SUN2: variants seen among roughly 807,000 people sequenced by gnomAD.
SUN2 encodes the protein SUN domain-containing protein 2.
SUN2 carries 60 observed loss-of-function variants against 100.0 expected under a neutral mutation model. The ratio of observed to expected loss-of-function variants is 0.60; its 90% CI spans 0.49 to 0.74. The LOEUF (loss-of-function observed/expected upper bound fraction) is 0.74. SUN2 is among the 30% of genes least tolerant of loss of function. The pLI, the probability that SUN2 is intolerant of heterozygous loss-of-function variation, is 0.00. For synonymous variants in SUN2, 367 were observed against 403.3 expected (o/e 0.91, Z 1.08); for missense variants, 834 against 954.6 (o/e 0.87, Z 1.66).
rs1295488555 is a variant in SUN2, at chr22:38,735,206, C to A, written c.*1061G>T. On this transcript the variant is annotated 3_prime_UTR_variant, in exon 18 of 18. Transcript: ENST00000689035. ...TCTGCCAGCCTCTTCCCCCAGCCCC[C>A]ACCAACTGCCCCACAGAGAACAAAC... is the stretch of plus-strand genomic sequence containing the variant. The A allele has an allele frequency of 8.8e-6, 4 of 455,144 alleles. No homozygotes were observed. Among genetic ancestry groups the A allele is most frequent in the Non-Finnish European group, 4.4e-6 (1 of 226,418 alleles). The allele number at this position is 455,144 out of a possible 1,614,324, so 28.2% of individuals were successfully genotyped here.
chr22:38,748,652 G>A (rs896414705), intron 7 of SUN2, 61 bp downstream of exon 7: 1 of 1,592,162 alleles, frequency 6.3e-7, no homozygotes, highest in Admixed American at 1.7e-5. Context: ...CCTGCCAAAG[G>A]TCACCACCCT....
In SUN2 at chr22:38,753,308, C is replaced by T. The variant is rs577247491; in HGVS notation, c.-37-643G>A. ...TTGGCTCACTGCAACCTCTACCTCC[C>T]AGGTTCATGCGATTCTCCTGCCTCA... On this transcript the variant is annotated intron_variant, in intron 1 of 17. Coordinates refer to ENST00000689035, the MANE Select transcript of SUN2 (RefSeq NM_015374.3). Among the ~76,000 whole-genome samples, 123 of 151,282 alleles carry T rather than the reference C, an allele frequency of 8.1e-4. 1 individual carries two copies. Among genetic ancestry groups the T allele is most frequent in the African/African-American group, 2.9e-3 (119 of 41,104 alleles).
chr22:38,746,478 G>C (rs368571787), intron 7 of SUN2, among the ~76,000 whole-genome samples: 2 of 152,200 alleles, frequency 1.3e-5, no homozygotes, highest in African/African-American at 4.8e-5. Context: ...TCCTGATAAA[G>C]CTCCATTCGC....
At position 38,751,264 on chromosome 22, in the gene SUN2, A is replaced by C. The variant is rs2092943841; in HGVS notation, c.232T>G (p.Ser78Ala). Residue 78 changes from serine (S) to alanine (A), a missense_variant, in exon 3 of 18, where the codon TCC becomes GCC. By Grantham distance (99) the Ser-to-Ala change is moderately conservative (BLOSUM62 1). Coordinates refer to ENST00000689035, the MANE Select transcript of SUN2 (RefSeq NM_015374.3). ...AGGGAGCTCCTGGGTGGGAACCAGG[A>C]CTCGTGGACCAGCGACTCACTGTAG... ...SYYSESLVHE[S>A]WFPPRSSLEE... is the part of the protein sequence containing the mutation. The C allele has an allele frequency of 6.2e-7, 1 of 1,613,812 alleles. No individual in the cohort carries two copies.
intron 8 of SUN2, 68 bp from the exon 9 acceptor site, chr22:38,742,623 C>G: frequency 6.6e-7 from 1 of 1,525,280 alleles, no homozygotes; most frequent in East Asian, 2.3e-5. Context: ...AAAGACCACC[C>G]CGACACAGCC....
rs1834476402 is a variant in SUN2, at chr22:38,738,669, G to A, written c.1865C>T (p.Thr622Ile). The change falls in exon 16 of 18, where the codon ACA (threonine) becomes ATA (isoleucine). Residue 622 changes from threonine (T) to isoleucine (I), a missense_variant. This residue lies in a region of SUN2 where 195 missense variants were observed against 280.2 expected (regional missense o/e 0.70). Transcript: ENST00000689035. This position sits in a 1 kb window ranked among gnomAD's most constrained non-coding sequence, Gnocchi z 6.6. The stretch of plus-strand genomic sequence containing the variant: ...GGGCACATGCTCTAAGGTAACGGCT[G>A]TGGGGCGGATGCGGGCAGAGAGGCG... ...VVRLSARIRP[T>I]AVTLEHVPKA... The A allele has an allele frequency of 6.2e-7, 1 of 1,613,994 alleles. No homozygotes were observed. Among genetic ancestry groups the A allele is most frequent in the Non-Finnish European group, 8.5e-7 (1 of 1,180,030 alleles).
Position 38,740,569 on chromosome 22 carries a change from G to T in SUN2, c.1191-137C>A. Reference sequence around the variant, plus strand: ...AGCACTCATTGTGAACCTGAGAAGGGGCAAGGCCTCTCCTGGGGGTTCTGG... The same window carrying T: ...AGCACTCATTGTGAACCTGAGAAGGTGCAAGGCCTCTCCTGGGGGTTCTGG... On this transcript the variant is annotated intron_variant, in intron 11 of 17. Transcript: ENST00000689035. The surrounding 1 kb of genome is among the most constrained non-coding windows in gnomAD (Gnocchi z 4.8). 2 of 942,562 alleles carry T rather than the reference G, an allele frequency of 2.1e-6. No homozygotes were observed. Among genetic ancestry groups the T allele is most frequent in the Non-Finnish European group, 3.0e-6 (2 of 661,854 alleles). 58.4% of individuals were successfully genotyped at this position (942,562 alleles called of 1,614,324 possible).
intron 8 of SUN2, chr22:38,744,932 G>T: frequency 2.4e-6 from 1 of 408,264 alleles, no homozygotes; most frequent in Non-Finnish European, 5.1e-6. Flanking sequence ...TATAAAAATG[G>T]CCACCATCCC....
intron 7 of SUN2, among the ~76,000 whole-genome samples, chr22:38,748,156 A>G (rs1050660227): frequency 6.6e-6 from 1 of 151,742 alleles, no homozygotes; most frequent in Non-Finnish European, 1.5e-5. Flanking sequence ...CTCTAGTAAA[A>G]ATACAAAATT....
At chr22:38,747,426 C>T (rs2092912946) in intron 7 of SUN2, among the ~76,000 whole-genome samples, 1 of 151,622 alleles carries the variant, frequency 6.6e-6, no homozygotes, top group Non-Finnish European at 1.5e-5. Context: ...TAGCAGCAAA[C>T]ACAAAAACGA....
rs1420940596 is a variant in SUN2, at chr22:38,738,152, T to C, written c.2040+21A>G. The C allele has an allele frequency of 1.2e-6, 2 of 1,611,644 alleles. No individual in the cohort carries two copies. Among genetic ancestry groups the C allele is most frequent in the Admixed American group, 3.3e-5 (2 of 60,024 alleles). On this transcript the variant is annotated intron_variant, in intron 17 of 17. Coordinates refer to ENST00000689035, the MANE Select transcript of SUN2 (RefSeq NM_015374.3). This position sits in a 1 kb window ranked among gnomAD's most constrained non-coding sequence, Gnocchi z 6.6. ...GATGGGGAGTCTGCGCCACTTCTGC[T>C]AGCACAGCAGCATCCCGTACCTGAA...
At chr22:38,754,516 G>C (rs543231244) in intron 1 of SUN2, 1 of 765,370 alleles carries the variant, frequency 1.3e-6, no homozygotes, top group South Asian at 1.5e-5. Context: ...ACTTTTAGCT[G>C]GTGTTGGAAA....
At position 38,739,055 on chromosome 22, in the gene SUN2, T is replaced by C; in HGVS notation, c.1664-67A>G. 2 of 1,468,880 alleles carry C rather than the reference T, an allele frequency of 1.4e-6. No homozygotes were observed. The highest frequency in any genetic ancestry group is 1.9e-6 in the Non-Finnish European group (2 of 1,071,274). The allele number at this position is 1,468,880 out of a possible 1,614,324, so 91.0% of individuals were successfully genotyped here. ...GGAGGGCCCCGCTCAGGCCATTGGC[T>C]GTCTCCTCGCTGAAGGTGGACGGCA... On this transcript the variant is annotated intron_variant, in intron 14 of 17. Transcript: ENST00000689035. The surrounding 1 kb of genome is among the most constrained non-coding windows in gnomAD (Gnocchi z 6.7).
intron 1 of SUN2, among the ~76,000 whole-genome samples, chr22:38,753,354 T>C (rs2092962435): frequency 6.6e-6 from 1 of 151,632 alleles, no homozygotes; most frequent in Non-Finnish European, 1.5e-5. Context: ...TAGCTGGGAT[T>C]ACAGGTGTGC....
At chr22:38,748,563 A>G (rs1456937276) in intron 7 of SUN2, 150 bp downstream of exon 7, 10 of 854,346 alleles carry the variant, frequency 1.2e-5, no homozygotes, top group Non-Finnish European at 1.9e-5. Context: ...GGGGAGGGCC[A>G]TGCAGAGATG....
chr22:38,737,884 C>T lies in SUN2; in HGVS notation c.2040+289G>A. ...GGCGGCGGCTCCTCGAACGCCTCTC[C>T]CGGCCTTCCTTTCCTGGCCACCCAA... is the stretch of plus-strand genomic sequence containing the variant. On this transcript the variant is annotated intron_variant, in intron 17 of 17. Coordinates refer to ENST00000689035, the MANE Select transcript of SUN2 (RefSeq NM_015374.3). The surrounding 1 kb of genome is among the most constrained non-coding windows in gnomAD (Gnocchi z 4.1). The T allele has an allele frequency of 1.6e-6, 1 of 621,872 alleles. No homozygotes were observed. 38.5% of individuals were successfully genotyped at this position (621,872 alleles called of 1,614,324 possible).
In SUN2 at chr22:38,739,442, C is replaced by T. The variant is rs1452088970; in HGVS notation, c.1579-16G>A. ...GGTGCACCTGCTGCAATGCAGGCAC[C>T]AGGAGACGGTTGCAGCAGGGAGCAG... On this transcript the variant is annotated splice_polypyrimidine_tract_variant and intron_variant, in intron 13 of 17. Coordinates refer to ENST00000689035, the MANE Select transcript of SUN2 (RefSeq NM_015374.3). The surrounding 1 kb of genome is among the most constrained non-coding windows in gnomAD (Gnocchi z 6.7). The T allele has an allele frequency of 1.2e-6, 2 of 1,612,562 alleles. No homozygotes were observed. Among genetic ancestry groups the T allele is most frequent in the Admixed American group, 1.7e-5 (1 of 60,016 alleles).
chr22:38,736,317 C>T lies in SUN2; in HGVS notation c.2104G>A (p.Glu702Lys), dbSNP rs781099795. 48 of 1,613,906 alleles carry T rather than the reference C, an allele frequency of 3.0e-5. No individual in the cohort carries two copies. Among genetic ancestry groups the T allele is most frequent in the Middle Eastern group, 1.6e-4 (1 of 6,078 alleles). ...LRILTNWGHP[E>K]YTCIYRFRVH... ...CTGAAGCGGTAGATGCAGGTGTACTCGGGGTGGCCCCAGTTAGTCAGGATC... is the reference window on the plus strand; with the variant it reads ...CTGAAGCGGTAGATGCAGGTGTACTTGGGGTGGCCCCAGTTAGTCAGGATC... Residue 702 changes from glutamate (E) to lysine (K), a missense_variant, in exon 18 of 18, where the codon GAG becomes AAG. This residue lies in a region of SUN2 where 80 missense variants were observed against 76.7 expected (regional missense o/e 1.04). Transcript: ENST00000689035.
intron 1 of SUN2, chr22:38,754,513 G>T: frequency 1.4e-6 from 1 of 739,942 alleles, no homozygotes; most frequent in Non-Finnish European, 2.0e-6. Flanking sequence ...TCTACTTTTA[G>T]CTGGTGTTGG....
Sources: gnomAD v4.1 joint callset for allele counts (sites outside exome capture counted in the v4.1 genomes callset) on GRCh38, gnomAD v4.1.1 for gene constraint, gnomAD v4.1.1 regional missense constraint, Gnocchi (gnomAD v3.1) non-coding constraint, MANE v1.5 for transcripts, NCBI Gene and HGNC (gene_info 2026-07-23, HGNC 2026-07-21) for gene names.